Variants in TTC27 observed in about 807,000 individuals in gnomAD.
TTC27 encodes the protein tetratricopeptide repeat domain 27, also known as tetratricopeptide repeat protein 27.
TTC27 carries 79 observed loss-of-function variants against 115.9 expected under a neutral mutation model. The ratio of observed to expected loss-of-function variants is 0.68; its 90% CI spans 0.57 to 0.82. TTC27 has a LOEUF of 0.82. TTC27 is among the 40% of genes least tolerant of loss of function. TTC27 has a pLI of 0.00. For synonymous variants in TTC27, 401 were observed against 356.0 expected (o/e 1.13, Z -1.42); for missense variants, 1,054 against 993.1 (o/e 1.06, Z -0.82).
chr2:32,663,748 G>T (rs934093150), intron 5 of TTC27, among the ~76,000 whole-genome samples: 2 of 152,036 alleles, frequency 1.3e-5, no homozygotes, highest in Admixed American at 6.6e-5. Context: ...GCAGTGGTGC[G>T]ATCTCAGCTC....
At chr2:32,729,173 G>T (rs1404735635) in intron 10 of TTC27, among the ~76,000 whole-genome samples, 1 of 152,198 alleles carries the variant, frequency 6.6e-6, no homozygotes, top group Non-Finnish European at 1.5e-5. Context: ...TTCAGGAAAA[G>T]GGTAGGTCCT....
chr2:32,663,514 C>A (rs1184989859), intron 5 of TTC27, among the ~76,000 whole-genome samples: 1 of 150,836 alleles, frequency 6.6e-6, no homozygotes, highest in Non-Finnish European at 1.5e-5. Context: ...CTAACCAGTC[C>A]CAGTGAGATG....
chr2:32,757,862 C>T (rs553839288), intron 12 of TTC27, among the ~76,000 whole-genome samples: 7 of 152,188 alleles, frequency 4.6e-5, no homozygotes, highest in South Asian at 4.2e-4. Context: ...CCACCACGCC[C>T]GGCTAATTTT....
intron 5 of TTC27, among the ~76,000 whole-genome samples, chr2:32,662,148 G>A (rs746575637): frequency 6.6e-6 from 1 of 152,176 alleles, no homozygotes; most frequent in Non-Finnish European, 1.5e-5. Context: ...GCTTTTTGAT[G>A]TGCTGCTGGA....
chr2:32,646,999 A>G (rs942360548), intron 4 of TTC27, among the ~76,000 whole-genome samples: 9 of 148,084 alleles, frequency 6.1e-5, no homozygotes, highest in African/African-American at 2.0e-4. Flanking sequence ...TTTTAGAGTC[A>G]GAGTCTCTTC....
intron 15 of TTC27, 65 bp from the exon 16 acceptor site, chr2:32,786,919 G>A (rs1420281494): frequency 1.5e-6 from 2 of 1,342,034 alleles, no homozygotes; most frequent in Admixed American, 4.6e-5. Flanking sequence ...TATACATTTA[G>A]CTATGCTTTA....
At chr2:32,682,011 T>G (rs1019082157) in intron 9 of TTC27, among the ~76,000 whole-genome samples, 3 of 150,790 alleles carry the variant, frequency 2.0e-5, no homozygotes, top group Admixed American at 6.6e-5. Flanking sequence ...TGTGTGTGTG[T>G]GTGTGTGTGT....
chr2:32,708,304 G>GTTATTTTTTTT (rs1667450296), intron 10 of TTC27, among the ~76,000 whole-genome samples: 1 of 61,348 alleles, frequency 1.6e-5, no homozygotes, highest in Non-Finnish European at 3.1e-5. Flanking sequence ...TCTCTACCTT[G>GTTATTTTTTTT]TTTTTTTTTT....
intron 5 of TTC27, among the ~76,000 whole-genome samples, chr2:32,660,199 A>T (rs1167129482): frequency 6.6e-6 from 1 of 152,032 alleles, no homozygotes; most frequent in Admixed American, 6.6e-5. Flanking sequence ...CTTTTTAATG[A>T]TCGCCATTCT....
chr2:32,743,668 C>A (rs2151920152), intron 12 of TTC27, among the ~76,000 whole-genome samples: 1 of 152,324 alleles, frequency 6.6e-6, no homozygotes, highest in Admixed American at 6.5e-5. Flanking sequence ...AATCCCCCTT[C>A]AGGCCATCAG....
intron 10 of TTC27, among the ~76,000 whole-genome samples, chr2:32,704,092 A>G (rs1182743052): frequency 1.3e-5 from 2 of 152,230 alleles, no homozygotes; most frequent in Non-Finnish European, 2.9e-5. Flanking sequence ...TTTCCTAAAC[A>G]TCCTACTGCC....
At chr2:32,779,891 T>C (rs1472923655) in intron 14 of TTC27, among the ~76,000 whole-genome samples, 1 of 152,206 alleles carries the variant, frequency 6.6e-6, no homozygotes, top group African/African-American at 2.4e-5. Flanking sequence ...AAAACTTTGT[T>C]GAAAAGACTA....
At chr2:32,704,928 G>T in intron 10 of TTC27, 1 of 470,950 alleles carries the variant, frequency 2.1e-6, no homozygotes, top group Non-Finnish European at 4.4e-6. Flanking sequence ...GCTTGTGTTT[G>T]TGAGATTTCT....
chr2:32,652,719 A>T (rs1012678019), intron 5 of TTC27, among the ~76,000 whole-genome samples: 45 of 152,196 alleles, frequency 3.0e-4, no homozygotes, highest in African/African-American at 1.0e-3. Flanking sequence ...TTCATGCATG[A>T]TTTCATTTTT....
At chr2:32,803,738 G>A (rs916642214) in intron 16 of TTC27, among the ~76,000 whole-genome samples, 11 of 152,194 alleles carry the variant, frequency 7.2e-5, no homozygotes, top group Non-Finnish European at 1.2e-4. Flanking sequence ...GGCCGGGCAC[G>A]GTGGCTCATG....
intron 10 of TTC27, among the ~76,000 whole-genome samples, chr2:32,704,379 G>A (rs780673578): frequency 6.6e-6 from 1 of 151,864 alleles, no homozygotes; most frequent in Non-Finnish European, 1.5e-5. Flanking sequence ...TAGAGATGGA[G>A]GTTTCACCAT....
intron 9 of TTC27, among the ~76,000 whole-genome samples, chr2:32,687,532 G>A (rs930770850): frequency 3.3e-5 from 5 of 152,176 alleles, no homozygotes; most frequent in Non-Finnish European, 7.3e-5. Flanking sequence ...ATTAAAAAGC[G>A]AGAGACAACT....
intron 7 of TTC27, among the ~76,000 whole-genome samples, chr2:32,669,115 T>C (rs1218475599): frequency 2.0e-5 from 3 of 152,110 alleles, no homozygotes; most frequent in Non-Finnish European, 4.4e-5. Context: ...AAAATAAATT[T>C]TACCTGTTTA....
intron 8 of TTC27, among the ~76,000 whole-genome samples, chr2:32,675,930 T>G (rs1302257448): frequency 1.3e-5 from 2 of 152,156 alleles, no homozygotes; most frequent in East Asian, 3.9e-4. Context: ...TAGCTGGGAT[T>G]ACAGGCGCCC....
Sources: gnomAD v4.1 joint callset for allele counts (sites outside exome capture counted in the v4.1 genomes callset) on GRCh38, gnomAD v4.1.1 for gene constraint, MANE v1.5 for transcripts, NCBI Gene and HGNC (gene_info 2026-07-23, HGNC 2026-07-21) for gene names.